ADCY4: variants seen among roughly 807,000 people sequenced by gnomAD.
ADCY4 encodes adenylate cyclase type 4.
A neutral mutation model predicts 125.5 loss-of-function variants in ADCY4; 111 were observed. The ratio of observed to expected loss-of-function variants is 0.88; its 90% CI spans 0.76 to 1.04. ADCY4 has a LOEUF of 1.04. ADCY4 is among the 50% of genes least tolerant of loss of function. The pLI, the probability that ADCY4 is intolerant of heterozygous loss-of-function variation, is 0.00. For missense variants in ADCY4, 1,256 were observed against 1,382.9 expected (o/e 0.91, Z 1.46); for synonymous variants, 576 against 586.9 (o/e 0.98, Z 0.27).
At chr14:24,324,809 T>G (rs1343565377) in intron 14 of ADCY4, among the ~76,000 whole-genome samples, 1 of 152,114 alleles carries the variant, frequency 6.6e-6, no homozygotes, top group African/African-American at 2.4e-5. Context: ...GTTTGAGCGA[T>G]TCTCCTGCCT....
At chr14:24,329,563 AGGGAG>A (rs1490336816) in intron 8 of ADCY4, 30 bp from the exon 9 acceptor site, 25 of 1,506,914 alleles carry the variant, frequency 1.7e-5, no homozygotes, top group Non-Finnish European at 2.2e-5. Context: ...AGGGGTCAGC[AGGGAG>A]GGCCTTCAAA....
At chr14:24,331,384 T>G (rs747870316) in intron 4 of ADCY4, 28 bp from the exon 5 acceptor site, 1 of 1,612,180 alleles carries the variant, frequency 6.2e-7, no homozygotes, top group South Asian at 1.1e-5. Flanking sequence ...GAACACCAAC[T>G]CTTCTGCACC....
At chr14:24,331,452 G>C (rs1287328206) in intron 4 of ADCY4, 96 bp from the exon 5 acceptor site, 3 of 1,540,414 alleles carry the variant, frequency 1.9e-6, no homozygotes, top group East Asian at 2.3e-5. Flanking sequence ...GCCCATCCTA[G>C]GTGCTCCCCA....
At position 24,331,830 on chromosome 14, in the gene ADCY4, G is replaced by A. The variant is rs760091602; in HGVS notation, c.627C>T (p.Ser209=). 2.1e-5 allele frequency: 34 copies of A among 1,602,986 alleles called. No homozygotes were observed. The highest frequency in any genetic ancestry group is 2.6e-5 in the Non-Finnish European group (31 of 1,171,888). ...TGTCCAGCCGCCGGCGTGAGTGCAG[G>A]GAGCTGAGTGCCTCCCGGAACGTGG... ...LRATFREALS[S]LHSRRRLDTE... Residue 209 remains serine, a synonymous_variant, in exon 4 of 25, where the codon TCC becomes TCT. Coordinates refer to ENST00000418030, the MANE Select transcript of ADCY4 (RefSeq NM_001198568.2).
intron 2 of ADCY4, 37 bp downstream of exon 2, chr14:24,332,754 G>T: frequency 6.5e-7 from 1 of 1,531,860 alleles, no homozygotes; most frequent in Non-Finnish European, 8.8e-7. Flanking sequence ...ATCGAAGCCC[G>T]GGCCGTCCCC....
Position 24,332,229 on chromosome 14 carries a change from G to A in ADCY4, c.520-292C>T, listed in dbSNP as rs1368901184. The A allele has an allele frequency of 4.9e-5, 22 of 452,350 alleles. 1 individual carries two copies. The highest frequency in any genetic ancestry group is 3.3e-4 in the South Asian group (6 of 18,258). The allele number at this position is 452,350 out of a possible 1,614,324, so 28.0% of individuals were successfully genotyped here. ...TCCACTGTCGCTACCCACTCCCATC[G>A]CACAAAACTTTTTTTTTTTTTTTTT... On this transcript the variant is annotated intron_variant, in intron 3 of 24. Transcript: ENST00000418030.
intron 3 of ADCY4, 22 bp downstream of exon 3, chr14:24,332,500 C>A (rs1442523317): frequency 1.3e-6 from 2 of 1,553,992 alleles, no homozygotes; most frequent in African/African-American, 2.7e-5. Flanking sequence ...CTGAGCGCAG[C>A]CTGTGCTACT....
Position 24,323,088 on chromosome 14 carries a change from A to G in ADCY4, c.2158T>C (p.Tyr720His), listed in dbSNP as rs1442220693. 1.2e-6 allele frequency: 2 copies of G among 1,613,714 alleles called. No homozygotes were observed. Among genetic ancestry groups the G allele is most frequent in the African/African-American group, 2.7e-5 (2 of 74,888 alleles). ...CCCAGCGTGCAGCAGTGCATGGAGT[A>G]CTGTGGGGCCAGGCAGGGGTCAGGA... ...PGSLPLISVP[Y>H]SMHCCTLGFL... The change falls in exon 18 of 25, where the codon TAC becomes CAC. Residue 720 changes from tyrosine to histidine, a missense_variant and splice_region_variant. Tyr to His is a moderately conservative substitution (Grantham distance 83, BLOSUM62 2). Coordinates refer to ENST00000418030, the MANE Select transcript of ADCY4 (RefSeq NM_001198568.2).
rs757096454 is a variant in ADCY4 at position 24,330,011 on chromosome 14, G to T, written c.1066C>A (p.Arg356=). ...TTGATGTCCACGCCAGTGGCTGCCC[G>T]CAGTTTCCTGAGCAGTGTGTGTGTG... is the stretch of plus-strand genomic sequence containing the variant. The part of the protein sequence containing the change: ...LDMCRAIRKL[R]AATGVDINMR... The change falls in exon 8 of 25, where the codon CGG becomes AGG. Residue 356 remains arginine, a synonymous_variant. Coordinates refer to ENST00000418030, the MANE Select transcript of ADCY4 (RefSeq NM_001198568.2). 1.2e-6 allele frequency: 2 copies of T among 1,613,438 alleles called. No individual in the cohort carries two copies.
At chr14:24,324,613 G>A (rs74038605) in intron 14 of ADCY4, among the ~76,000 whole-genome samples, 1,627 of 152,336 alleles carry the variant, frequency 0.011, 24 homozygotes, top group African/African-American at 0.037. Flanking sequence ...GACCCATATG[G>A]TGGGGAGTGG....
chr14:24,324,297 C>G lies in ADCY4; in HGVS notation c.1908+10G>C. On this transcript the variant is annotated intron_variant, in intron 15 of 24. Transcript: ENST00000418030. The stretch of plus-strand genomic sequence containing the variant: ...CCGGCATACCACTTCCACCCCTCAG[C>G]CCACCTCACCATCAGGTCCTCTGAG... 6.2e-7 allele frequency: 1 copy of G among 1,614,064 alleles called. No individual in the cohort carries two copies.
At chr14:24,322,841 T>G in intron 18 of ADCY4, 63 bp downstream of exon 18, 1 of 1,542,194 alleles carries the variant, frequency 6.5e-7, no homozygotes, top group Non-Finnish European at 8.8e-7. Context: ...AGGACAGCTC[T>G]GCTGTATCCC....
intron 13 of ADCY4, 151 bp downstream of exon 13, chr14:24,325,667 A>T: frequency 1.0e-6 from 1 of 976,368 alleles, no homozygotes; most frequent in Non-Finnish European, 1.5e-6. Context: ...CAGTCTACAG[A>T]GTGACTTTCC....
At chr14:24,332,237 CTTTT>C in intron 3 of ADCY4, 34 of 394,090 alleles carry the variant, frequency 8.6e-5, no homozygotes, top group Middle Eastern at 6.5e-4. Flanking sequence ...TCGCACAAAA[CTTTT>C]TTTTTTTTTT....
At chr14:24,320,245 TGTGTTTAA>T (rs1278051580) in intron 20 of ADCY4, among the ~76,000 whole-genome samples, 4 of 152,160 alleles carry the variant, frequency 2.6e-5, no homozygotes, top group Admixed American at 2.0e-4. Flanking sequence ...AAGGGTAAAA[TGTGTTTAA>T]GTGTTTAAGT....
At position 24,334,491 on chromosome 14, in the gene ADCY4, C is replaced by A. The variant is rs758392682; in HGVS notation, c.159+3G>T. On this transcript the variant is annotated splice_donor_region_variant and intron_variant, in intron 1 of 24. Coordinates refer to ENST00000418030, the MANE Select transcript of ADCY4 (RefSeq NM_001198568.2). The stretch of plus-strand genomic sequence containing the variant: ...ACCCTCCCGCAGCAGAGGCTCGGCT[C>A]ACCCTGCCGCTGGCCCAGGCCACTG... 6.4e-7 allele frequency: 1 copy of A among 1,574,312 alleles called. No homozygotes were observed. Among genetic ancestry groups the A allele is most frequent in the Admixed American group, 1.8e-5 (1 of 55,466 alleles).
At chr14:24,321,923 T>C in intron 20 of ADCY4, 143 bp downstream of exon 20, 2 of 1,403,316 alleles carry the variant, frequency 1.4e-6, no homozygotes, top group Non-Finnish European at 1.9e-6. Context: ...TAAGATGTTG[T>C]GAAAACAAAG....
rs1488830144 is a variant in ADCY4 at position 24,318,652 on chromosome 14, A to G, written c.3081+2T>C. ...CCTATGCCTCCAATGTGGTTCCCTCACTTGGATTTTGCCAAGGACTCCTGT... is the reference window on the plus strand; with the variant it reads ...CCTATGCCTCCAATGTGGTTCCCTCGCTTGGATTTTGCCAAGGACTCCTGT... On this transcript the variant is annotated splice_donor_variant, in intron 24 of 24. Transcript: ENST00000418030. LOFTEE classifies it high-confidence loss of function. 6.2e-7 allele frequency: 1 copy of G among 1,614,026 alleles called. No individual in the cohort carries two copies. The highest frequency in any genetic ancestry group is 8.5e-7 in the Non-Finnish European group (1 of 1,179,980).
rs2041997884 is a variant in ADCY4, at chr14:24,329,108, G to A, written c.1477C>T (p.His493Tyr). 6.2e-7 allele frequency: 1 copy of A among 1,613,790 alleles called. No individual in the cohort carries two copies. Among genetic ancestry groups the A allele is most frequent in the Admixed American group, 1.7e-5 (1 of 59,988 alleles). Residue 493 changes from histidine (H) to tyrosine (Y), a missense_variant, in exon 10 of 25, where the codon CAC becomes TAC. Physicochemically the swap from His to Tyr is moderately conservative, Grantham distance 83. Transcript: ENST00000418030. ...ESWGAAKPFAHLSHGDSPVST... is the reference protein window; with the variant it reads ...ESWGAAKPFAYLSHGDSPVST... Reference sequence around the variant, plus strand: ...ACAGGGCTGTCTCCGTGGCTCAGGTGGGCAAAAGGCTTGGCTGCGCCCCAG... The same window carrying A: ...ACAGGGCTGTCTCCGTGGCTCAGGTAGGCAAAAGGCTTGGCTGCGCCCCAG...
Sources: allele counts gnomAD v4.1 joint callset (sites outside exome capture counted in the v4.1 genomes callset), GRCh38; gene constraint gnomAD v4.1.1; transcripts MANE v1.5; gene names NCBI Gene and HGNC (gene_info 2026-07-23, HGNC 2026-07-21).